ENKUR: variants seen among roughly 807,000 people sequenced by gnomAD.
The protein encoded by ENKUR is enkurin, TRPC channel interacting protein, also known as enkurin.
ENKUR carries 19 observed loss-of-function variants against 27.6 expected under a neutral mutation model. The ratio of observed to expected loss-of-function variants is 0.69; its 90% CI spans 0.48 to 1.01. The LOEUF (loss-of-function observed/expected upper bound fraction) is 1.01. Among genes scored for constraint, ENKUR ranks in the 50% least tolerant of loss-of-function variants. ENKUR has a pLI of 0.00. For missense variants in ENKUR, 312 were observed against 310.5 expected, an observed-to-expected ratio of 1.00 and a Z score of -0.04; for synonymous variants, 117 against 96.9, an observed-to-expected ratio of 1.21 and a Z score of -1.22.
In ENKUR at chr10:25,061,190, G is replaced by C. The variant is rs750026011; in HGVS notation, c.-42C>G. On this transcript the variant is annotated 5_prime_UTR_variant, in exon 2 of 6. Transcript: ENST00000615958. ...TCTCCATAAGAAGTTCATAGGTGTT[G>C]GACACGTGTGGCCAGGCCCTGGGCT... 9 of 1,530,014 alleles carry C rather than the reference G, an allele frequency of 5.9e-6. 1 individual carries two copies. Among genetic ancestry groups the C allele is most frequent in the Middle Eastern group, 3.4e-4 (2 of 5,932 alleles). The allele number at this position is 1,530,014 out of a possible 1,614,324, so 94.8% of individuals were successfully genotyped here.
intron 2 of ENKUR, among the ~76,000 whole-genome samples, chr10:25,033,005 A>G (rs1850954300): frequency 6.6e-6 from 1 of 152,196 alleles, no homozygotes; most frequent in Non-Finnish European, 1.5e-5. Flanking sequence ...AATCCTGATT[A>G]ATATATTACT....
rs544377307 is a variant in ENKUR, at chr10:25,029,561, AT to A, written c.37+31550del. ...CTACGTAATGTTAGTTAAAAAAAAA[AT>A]CATGAAGTAACTGTTTTCAAATCCA... is the stretch of plus-strand genomic sequence containing the variant. On this transcript the variant is annotated intron_variant, in intron 2 of 5. Coordinates refer to the ENKUR transcript ENST00000615958. Among the ~76,000 whole-genome samples, 497 of 150,424 alleles carry A rather than the reference AT, an allele frequency of 3.3e-3. 1 individual carries two copies. Among genetic ancestry groups the A allele is most frequent in the African/African-American group, 0.011 (472 of 41,338 alleles).
rs1250166212 is a variant in ENKUR, at chr10:24,983,246, G to T, written c.*1124C>A. On this transcript the variant is annotated 3_prime_UTR_variant, in exon 6 of 6. Coordinates refer to ENST00000331161, the MANE Select transcript of ENKUR (RefSeq NM_145010.4). ...TTAGTTTGTTAAAGCAACTTAAGTT[G>T]CTTACTTAGCGATGCAAACGGGAAT... The T allele has an allele frequency of 6.6e-6, 1 of 152,118 alleles. No homozygotes were observed. Among genetic ancestry groups the T allele is most frequent in the Non-Finnish European group, 1.5e-5 (1 of 68,026 alleles). 9.4% of individuals were successfully genotyped at this position (152,118 alleles called of 1,614,324 possible).
rs770856253 is a variant in ENKUR, at chr10:25,023,657, T to C, written c.38-27788A>G. On this transcript the variant is annotated intron_variant, in intron 2 of 5. Transcript: ENST00000615958. ...ATGCATGATGCTAGCATGTGGCATC[T>C]GAAGAAAAATGGAATAATTGTATAC... The C allele has an allele frequency of 3.1e-6, 5 of 1,614,006 alleles. No individual in the cohort carries two copies. The highest frequency in any genetic ancestry group is 4.2e-6 in the Non-Finnish European group (5 of 1,180,024).
At chr10:25,027,055 C>T (rs906220967) in intron 2 of ENKUR, among the ~76,000 whole-genome samples, 1 of 151,914 alleles carries the variant, frequency 6.6e-6, no homozygotes. Flanking sequence ...ATTCACTATA[C>T]ATAAGAATGC....
At position 25,024,397 on chromosome 10, in the gene ENKUR, C is replaced by T. The variant is rs201692683; in HGVS notation, c.38-28528G>A. The T allele has an allele frequency of 3.2e-5, 51 of 1,613,800 alleles. No individual in the cohort carries two copies. Among genetic ancestry groups the T allele is most frequent in the African/African-American group, 2.4e-4 (18 of 75,030 alleles). On this transcript the variant is annotated intron_variant, in intron 2 of 5. Coordinates refer to the ENKUR transcript ENST00000615958. Reference sequence around the variant, plus strand: ...GAGTGCAGTCTTAAATGGTTTTAGTCGTCTAAATAAGAATGATAAGCAAAG... The same window carrying T: ...GAGTGCAGTCTTAAATGGTTTTAGTTGTCTAAATAAGAATGATAAGCAAAG...
chr10:25,054,095 T>C (rs770698662), intron 2 of ENKUR, among the ~76,000 whole-genome samples: 26 of 152,218 alleles, frequency 1.7e-4, no homozygotes, highest in Non-Finnish European at 2.1e-4. Flanking sequence ...ATGCTCATTG[T>C]AGAAAGGTTG....
intron 4 of ENKUR, among the ~76,000 whole-genome samples, chr10:24,988,783 G>C (rs189210581): frequency 1.6e-5 from 2 of 128,614 alleles, no homozygotes; most frequent in African/African-American, 5.9e-5. Context: ...TCCTGTCCAG[G>C]TATAATGAGA....
intron 4 of ENKUR, among the ~76,000 whole-genome samples, chr10:24,988,385 T>A (rs1218602192): frequency 6.9e-6 from 1 of 145,464 alleles, no homozygotes; most frequent in Non-Finnish European, 1.5e-5. Context: ...TGTATATATG[T>A]GTATATATTT....
At chr10:25,025,442 ATCAAT>A in intron 2 of ENKUR, 1 of 1,601,884 alleles carries the variant, frequency 6.2e-7, no homozygotes. Context: ...CTTGTCCAAA[ATCAAT>A]TCATATGAAA....
intron 2 of ENKUR, among the ~76,000 whole-genome samples, chr10:25,060,358 T>C (rs4508094): frequency 0.32 from 48,923 of 152,030 alleles, 8,145 homozygotes; most frequent in East Asian, 0.48. Context: ...AAGAATACCA[T>C]GACCAGAAAT....
intron 5 of ENKUR, 24 bp downstream of exon 5, chr10:24,984,712 T>C: frequency 6.3e-7 from 1 of 1,574,874 alleles, no homozygotes; most frequent in Non-Finnish European, 8.6e-7. Flanking sequence ...TTGAAATTGT[T>C]ATACTTTAAA....
At chr10:25,034,611 C>T (rs143867855) in intron 2 of ENKUR, among the ~76,000 whole-genome samples, 44 of 152,218 alleles carry the variant, frequency 2.9e-4, no homozygotes, top group African/African-American at 9.4e-4. Context: ...AGATTTTAAA[C>T]GTAATTGGTT....
upstream of ENKUR, chr10:25,062,322 G>A (rs999158766): frequency 6.6e-6 from 1 of 152,190 alleles, no homozygotes; most frequent in African/African-American, 2.4e-5. Flanking sequence ...GTCTATAGAC[G>A]ATTGTGGAAT....
chr10:25,033,825 G>GTCTGTCTATCTA (rs1554773529), intron 2 of ENKUR, among the ~76,000 whole-genome samples: 2 of 148,620 alleles, frequency 1.3e-5, no homozygotes, highest in African/African-American at 5.0e-5. Flanking sequence ...GTGTGTGTGT[G>GTCTGTCTATCTA]TCTATCTATC....
chr10:25,016,585 C>T (rs1430392591), upstream of ENKUR: 1 of 152,314 alleles, frequency 6.6e-6, no homozygotes, highest in African/African-American at 2.4e-5. Flanking sequence ...AGTCACGTGC[C>T]CTGCGCGAGG....
chr10:25,023,483 A>G (rs749857843), intron 2 of ENKUR: 1 of 1,614,154 alleles, frequency 6.2e-7, no homozygotes, highest in Non-Finnish European at 8.5e-7. Flanking sequence ...ATAGATGTGG[A>G]TGATGATATC....
chr10:25,009,961 A>G (rs1850403594), intron 1 of ENKUR, among the ~76,000 whole-genome samples: 1 of 152,186 alleles, frequency 6.6e-6, no homozygotes, highest in East Asian at 1.9e-4. Flanking sequence ...TAGTATGAGA[A>G]CAGACTAATA....
intron 2 of ENKUR, among the ~76,000 whole-genome samples, chr10:25,054,455 T>C (rs1021353193): frequency 2.0e-5 from 3 of 147,120 alleles, no homozygotes; most frequent in Non-Finnish European, 4.5e-5. Context: ...GTGTTTTTTC[T>C]CTTTTCTTTC....
Sources: gnomAD v4.1 joint callset for allele counts (sites outside exome capture counted in the v4.1 genomes callset) on GRCh38, gnomAD v4.1.1 for gene constraint, MANE v1.5 for transcripts, NCBI Gene and HGNC (gene_info 2026-07-23, HGNC 2026-07-21) for gene names.